TAFA5: variants seen among roughly 807,000 people sequenced by gnomAD.
TAFA5 encodes the protein TAFA chemokine like family member 5.
TAFA5 carries 6 observed loss-of-function variants against 15.3 expected under a neutral mutation model. The ratio of observed to expected loss-of-function variants is 0.39; its 90% CI spans 0.21 to 0.77. The LOEUF (loss-of-function observed/expected upper bound fraction) is 0.77. Among genes scored for constraint, TAFA5 ranks in the 30% least tolerant of loss-of-function variants. The pLI is 0.41. For synonymous variants in TAFA5, 103 were observed against 80.7 expected (o/e 1.28, Z -1.48); for missense variants, 161 against 193.1 (o/e 0.83, Z 0.98).
intron 3 of TAFA5, among the ~76,000 whole-genome samples, chr22:48,719,359 A>G (rs1929499336): frequency 6.6e-6 from 1 of 152,244 alleles, no homozygotes; most frequent in Admixed American, 6.5e-5. Context: ...AGAGGCTCCA[A>G]GTCCGTCTGG....
intron 1 of TAFA5, chr22:48,545,052 C>G (rs1601569219): frequency 8.3e-6 from 3 of 363,512 alleles, no homozygotes; most frequent in Admixed American, 3.5e-5. Flanking sequence ...CGGAAGGACT[C>G]TCAGGGGAAC....
intron 2 of TAFA5, among the ~76,000 whole-genome samples, chr22:48,699,217 GCCA>G: frequency 1.3e-5 from 2 of 152,256 alleles, no homozygotes; most frequent in South Asian, 4.1e-4. Context: ...ACAGGCGTGA[GCCA>G]CCGTGCCCTG....
chr22:48,558,268 C>T (rs1054973608), intron 1 of TAFA5, among the ~76,000 whole-genome samples: 10 of 152,332 alleles, frequency 6.6e-5, no homozygotes, highest in African/African-American at 2.2e-4. Context: ...GGCAAATCAT[C>T]GTCTGCTTTT....
At chr22:48,592,823 G>A (rs927787254) in intron 1 of TAFA5, among the ~76,000 whole-genome samples, 1 of 152,182 alleles carries the variant, frequency 6.6e-6, no homozygotes, top group Non-Finnish European at 1.5e-5. Context: ...AGATGCAGGT[G>A]CGGGGAGCAT....
intron 1 of TAFA5, among the ~76,000 whole-genome samples, chr22:48,523,156 G>A (rs1017939887): frequency 3.3e-5 from 5 of 152,202 alleles, no homozygotes; most frequent in African/African-American, 4.8e-5. Context: ...CCTGCCGCTC[G>A]TGCCACAAAA....
intron 1 of TAFA5, among the ~76,000 whole-genome samples, chr22:48,593,222 C>G (rs1924638027): frequency 6.6e-6 from 1 of 152,204 alleles, no homozygotes; most frequent in South Asian, 2.1e-4. Context: ...GTGTCCCCAG[C>G]AGCCTGGTGT....
At chr22:48,615,721 G>A in intron 1 of TAFA5, among the ~76,000 whole-genome samples, 1 of 152,258 alleles carries the variant, frequency 6.6e-6, no homozygotes, top group South Asian at 2.1e-4. Context: ...CTCCAGGAGG[G>A]GCCCTGTGAC....
chr22:48,676,868 C>T (rs1027121263), intron 2 of TAFA5, among the ~76,000 whole-genome samples: 1 of 152,218 alleles, frequency 6.6e-6, no homozygotes, highest in Non-Finnish European at 1.5e-5. Flanking sequence ...GACTAACCTC[C>T]CTGGACATTG....
At chr22:48,741,807 T>A (rs1189415467) in intron 3 of TAFA5, among the ~76,000 whole-genome samples, 1 of 152,196 alleles carries the variant, frequency 6.6e-6, no homozygotes, top group Non-Finnish European at 1.5e-5. Flanking sequence ...GTTCAAGCCA[T>A]CCAGTCTGGG....
At chr22:48,646,896 C>A in intron 2 of TAFA5, 150 bp downstream of exon 2, 1 of 1,050,026 alleles carries the variant, frequency 9.5e-7, no homozygotes, top group Non-Finnish European at 1.3e-6. Context: ...CAGCTGTTCC[C>A]ATGGATGGTG....
In TAFA5 at chr22:48,550,889, G is replaced by A. The variant is rs1471231120; in HGVS notation, c.112+61185G>A. Among the ~76,000 whole-genome samples the A allele has an allele frequency of 2.0e-5, 3 of 152,204 alleles. No homozygotes were observed. The highest frequency in any genetic ancestry group is 1.3e-4 in the Admixed American group (2 of 15,290). On this transcript the variant is annotated intron_variant, in intron 1 of 3. Transcript: ENST00000402357. This position sits in a 1 kb window ranked among gnomAD's most constrained non-coding sequence, Gnocchi z 4.1. ...CCTTTCGTTCCTGTGTCACCTGGGGGTGAGGCAGACATTCCTAGTCCTGCT... is the reference window on the plus strand; with the variant it reads ...CCTTTCGTTCCTGTGTCACCTGGGGATGAGGCAGACATTCCTAGTCCTGCT...
At chr22:48,624,971 A>C (rs1188187435) in intron 1 of TAFA5, among the ~76,000 whole-genome samples, 2 of 151,982 alleles carry the variant, frequency 1.3e-5, no homozygotes, top group African/African-American at 4.8e-5. Context: ...AAAAAACATC[A>C]GGGTGTGGTG....
chr22:48,715,198 TG>T (rs1285028317), intron 3 of TAFA5, among the ~76,000 whole-genome samples: 1 of 152,192 alleles, frequency 6.6e-6, no homozygotes, highest in Non-Finnish European at 1.5e-5. Context: ...TGCCATGAGT[TG>T]GGGGCCACAG....
chr22:48,683,338 G>A (rs1928254486), intron 2 of TAFA5, among the ~76,000 whole-genome samples: 1 of 152,354 alleles, frequency 6.6e-6, no homozygotes, highest in East Asian at 1.9e-4. Context: ...TTAGCTGGGG[G>A]CCGGTGGTGA....
intron 2 of TAFA5, among the ~76,000 whole-genome samples, chr22:48,651,379 T>C (rs1356994220): frequency 6.6e-6 from 1 of 152,122 alleles, no homozygotes; most frequent in Non-Finnish European, 1.5e-5. Context: ...CTGCCAGGTC[T>C]GGGGAGGCTG....
intron 1 of TAFA5, among the ~76,000 whole-genome samples, chr22:48,493,128 C>G (rs911614712): frequency 6.6e-6 from 1 of 152,158 alleles, no homozygotes; most frequent in Non-Finnish European, 1.5e-5. Flanking sequence ...AGCACTGACT[C>G]GGTCCTTGTG....
rs751383047 is a variant in TAFA5 at position 48,516,735 on chromosome 22, G to A, written c.112+27031G>A. 4.6e-5 allele frequency among the ~76,000 whole-genome samples: 7 copies of A among 152,292 alleles called. No homozygotes were observed. In the South Asian group the frequency reaches 8.3e-4, roughly 18 times the overall value. ...AAATTTAGATGGAGGAGAAGCCACC[G>A]CCACGAAGGCAAGTGCCTTCCAGGA... On this transcript the variant is annotated intron_variant, in intron 1 of 3. Transcript: ENST00000402357.
chr22:48,707,979 G>C (rs905658283), intron 3 of TAFA5, 135 bp downstream of exon 3: 5 of 1,185,910 alleles, frequency 4.2e-6, no homozygotes, highest in Non-Finnish European at 3.5e-6. Context: ...CCAGGGCCCT[G>C]TCTCCTCCCC....
intron 1 of TAFA5, among the ~76,000 whole-genome samples, chr22:48,551,239 A>G (rs1922844576): frequency 1.3e-5 from 2 of 152,116 alleles, no homozygotes; most frequent in Non-Finnish European, 2.9e-5. Context: ...CTGGGCCTGC[A>G]GCACCCTGGA....
Sources: allele counts gnomAD v4.1 joint callset (sites outside exome capture counted in the v4.1 genomes callset), GRCh38; gene constraint gnomAD v4.1.1; non-coding constraint Gnocchi (gnomAD v3.1); transcripts MANE v1.5; gene names NCBI Gene and HGNC (gene_info 2026-07-23, HGNC 2026-07-21).